The following PRKACB variants were observed in gnomAD, a reference collection of about 807,000 sequenced individuals.
PRKACB encodes cAMP-dependent protein kinase catalytic subunit beta.
PRKACB carries 16 observed loss-of-function variants against 51.4 expected under a neutral mutation model. The observed-to-expected ratio is 0.31, with a 90% CI of 0.21 to 0.47. The LOEUF is 0.47. Among genes scored for constraint, PRKACB ranks in the 20% least tolerant of loss-of-function variants. The pLI, the probability that PRKACB is intolerant of heterozygous loss-of-function variation, is 1.00. For synonymous variants in PRKACB, 147 were observed against 154.4 expected (o/e 0.95, Z 0.35); for missense variants, 309 against 464.5 (o/e 0.67, Z 3.08).
chr1:84,179,148 T>C, intron 1 of PRKACB, 29 bp from the exon 2 acceptor site: 4 of 1,553,900 alleles, frequency 2.6e-6, no homozygotes, highest in Non-Finnish European at 3.5e-6. Flanking sequence ...TCTTACAAGA[T>C]AAATTTGTTT....
At chr1:84,183,983 T>A in intron 3 of PRKACB, 54 bp from the exon 4 acceptor site, 1 of 1,450,958 alleles carries the variant, frequency 6.9e-7, no homozygotes, top group Non-Finnish European at 9.1e-7. Flanking sequence ...TTTTAAATGA[T>A]AACTTTTTAA....
intron 1 of PRKACB, among the ~76,000 whole-genome samples, chr1:84,102,958 G>A (rs1195298571): frequency 2.6e-5 from 4 of 152,138 alleles, no homozygotes; most frequent in African/African-American, 9.7e-5. Context: ...TCACCATCGT[G>A]TATTGGGCAG....
chr1:84,138,258 A>G lies in PRKACB; in HGVS notation c.47-40919A>G, dbSNP rs567013671. ...TGCACACATACACAGTGATGGAGGTATATCAAAGGGACATAGGAGGAAGTT... is the reference window on the plus strand; with the variant it reads ...TGCACACATACACAGTGATGGAGGTGTATCAAAGGGACATAGGAGGAAGTT... On this transcript the variant is annotated intron_variant, in intron 1 of 8. Transcript: ENST00000370688. 5.6e-4 allele frequency among the ~76,000 whole-genome samples: 86 copies of G among 152,328 alleles called. 1 individual carries two copies. The South Asian group carries it at 0.017, about 30-fold the overall frequency.
intron 1 of PRKACB, among the ~76,000 whole-genome samples, chr1:84,162,240 A>G (rs1656283998): frequency 6.6e-6 from 1 of 151,892 alleles, no homozygotes; most frequent in East Asian, 1.9e-4. Context: ...CCTTTCAACA[A>G]TTTGACTATG....
intron 1 of PRKACB, among the ~76,000 whole-genome samples, chr1:84,118,285 T>C (rs1650792118): frequency 6.6e-6 from 1 of 152,176 alleles, no homozygotes; most frequent in South Asian, 2.1e-4. Context: ...TCTAGTGTTC[T>C]TTCCTAGATG....
intron 8 of PRKACB, chr1:84,204,493 T>C (rs973705732): frequency 5.0e-6 from 8 of 1,599,868 alleles, no homozygotes; most frequent in Non-Finnish European, 6.0e-6. Context: ...ACTTTTGATA[T>C]GAACAAAACA....
In PRKACB at chr1:84,205,391, T is replaced by A. The variant is rs1208455188; in HGVS notation, c.906+2586T>A. On this transcript the variant is annotated intron_variant, in intron 8 of 9. Transcript: ENST00000370685. Reference sequence around the variant, plus strand: ...CCAAATTGGAAACTAACTAGTTTTTTAAATTTTTTAAATTGTGCAAATTAT... The same window carrying A: ...CCAAATTGGAAACTAACTAGTTTTTAAAATTTTTTAAATTGTGCAAATTAT... 8.8e-6 allele frequency: 4 copies of A among 457,046 alleles called. No homozygotes were observed. In the Admixed American group the frequency reaches 1.9e-4, roughly 22 times the overall value. 28.3% of individuals were successfully genotyped at this position (457,046 alleles called of 1,614,324 possible).
chr1:84,188,547 A>C (rs188645431), intron 5 of PRKACB, among the ~76,000 whole-genome samples: 1 of 151,976 alleles, frequency 6.6e-6, no homozygotes, highest in African/African-American at 2.4e-5. Context: ...TTTCTATTTT[A>C]TCTAGCATTT....
chr1:84,162,991 A>G (rs1376102426), intron 1 of PRKACB, among the ~76,000 whole-genome samples: 2 of 152,006 alleles, frequency 1.3e-5, no homozygotes, highest in Non-Finnish European at 2.9e-5. Context: ...TGTATCCCTC[A>G]TGATATGTGA....
Position 84,237,444 on chromosome 1 carries a change from A to G in PRKACB, c.*2139A>G, listed in dbSNP as rs1357021063. 6 of 152,570 alleles carry G rather than the reference A, an allele frequency of 3.9e-5. No individual in the cohort carries two copies. Among genetic ancestry groups the G allele is most frequent in the Non-Finnish European group, 7.4e-5 (5 of 67,980 alleles). 9.5% of individuals were successfully genotyped at this position (152,570 alleles called of 1,614,324 possible). A position where few individuals can be genotyped will look rare whatever the true frequency, so the allele number is the denominator to read the frequency against. On this transcript the variant is annotated 3_prime_UTR_variant, in exon 10 of 10. Coordinates refer to ENST00000370685, the MANE Select transcript of PRKACB (RefSeq NM_182948.4). Reference sequence around the variant, plus strand: ...TGAATTCTAAAAAATATTTTTTTCTATGAAATTACTAGTGCCCAGCTGTAG... The same window carrying G: ...TGAATTCTAAAAAATATTTTTTTCTGTGAAATTACTAGTGCCCAGCTGTAG...
At chr1:84,099,589 G>A (rs1187252337) in intron 1 of PRKACB, among the ~76,000 whole-genome samples, 1 of 151,718 alleles carries the variant, frequency 6.6e-6, no homozygotes, top group Non-Finnish European at 1.5e-5. Flanking sequence ...GAGAATTTAG[G>A]AGCTAGCTAC....
intron 1 of PRKACB, among the ~76,000 whole-genome samples, chr1:84,152,015 G>A (rs1330074262): frequency 6.6e-6 from 1 of 152,174 alleles, no homozygotes; most frequent in Non-Finnish European, 1.5e-5. Flanking sequence ...CACTATCTGT[G>A]ACACCTTTAG....
chr1:84,169,855 C>T (rs1315074514), intron 1 of PRKACB, among the ~76,000 whole-genome samples: 1 of 151,496 alleles, frequency 6.6e-6, no homozygotes, highest in Non-Finnish European at 1.5e-5. Context: ...AAAATGAAAT[C>T]CATAAACATT....
chr1:84,088,770 TA>T (rs1273051680), intron 1 of PRKACB, among the ~76,000 whole-genome samples: 1 of 152,200 alleles, frequency 6.6e-6, no homozygotes, highest in East Asian at 1.9e-4. Context: ...GCGCCTACTT[TA>T]AACCAGGCAC....
chr1:84,113,152 C>CT (rs1650368055), intron 1 of PRKACB, among the ~76,000 whole-genome samples: 1 of 151,428 alleles, frequency 6.6e-6, no homozygotes, highest in African/African-American at 2.4e-5. Flanking sequence ...AATGAGGTAC[C>CT]TTTTTTAATT....
intron 1 of PRKACB, among the ~76,000 whole-genome samples, chr1:84,087,702 A>G (rs1648126660): frequency 1.3e-5 from 2 of 152,060 alleles, no homozygotes; most frequent in African/African-American, 4.8e-5. Flanking sequence ...GATAGGTTTT[A>G]TAATCTCTCT....
intron 1 of PRKACB, among the ~76,000 whole-genome samples, chr1:84,131,220 G>C (rs1652158558): frequency 6.6e-6 from 1 of 152,024 alleles, no homozygotes; most frequent in African/African-American, 2.4e-5. Flanking sequence ...AGGTAGTCGT[G>C]GTGGCGCGTG....
chr1:84,136,450 A>AG (rs200725520), intron 1 of PRKACB, among the ~76,000 whole-genome samples: 2,278 of 151,672 alleles, frequency 0.015, 24 homozygotes, highest in Non-Finnish European at 0.024. Context: ...CAAATTAAAA[A>AG]CAATGAGATA....
chr1:84,210,608 C>T (rs1166280664), intron 8 of PRKACB, among the ~76,000 whole-genome samples: 2 of 151,974 alleles, frequency 1.3e-5, no homozygotes, highest in African/African-American at 4.8e-5. Flanking sequence ...CCCTCTAGCT[C>T]CAATATTAGA....
Sources: allele counts gnomAD v4.1 joint callset (sites outside exome capture counted in the v4.1 genomes callset), GRCh38; gene constraint gnomAD v4.1.1; transcripts MANE v1.5; gene names NCBI Gene and HGNC (gene_info 2026-07-23, HGNC 2026-07-21).